Variants in FAM149A observed in about 807,000 individuals in gnomAD.
FAM149A encodes protein FAM149A.
A neutral mutation model predicts 78.2 loss-of-function variants in FAM149A; 71 were observed. That is an observed-to-expected ratio of 0.91 (90% CI 0.75 to 1.11). FAM149A has a LOEUF of 1.11. Among genes scored for constraint, FAM149A ranks in the 50% least tolerant of loss-of-function variants. The pLI is 0.00. For synonymous variants in FAM149A, 446 were observed against 410.5 expected, an observed-to-expected ratio of 1.09 and a Z score of -1.04; for missense variants, 1,036 against 971.0, an observed-to-expected ratio of 1.07 and a Z score of -0.89.
intron 1 of FAM149A, among the ~76,000 whole-genome samples, chr4:186,119,573 A>G (rs776002332): frequency 6.6e-6 from 1 of 152,218 alleles, no homozygotes; most frequent in East Asian, 1.9e-4. Flanking sequence ...ATGTATACCT[A>G]TATAATCTTA....
intron 1 of FAM149A, chr4:186,133,015 C>T (rs1163144289): frequency 1.0e-6 from 1 of 985,250 alleles, no homozygotes; most frequent in Non-Finnish European, 1.2e-6. Context: ...GCCTATAGAG[C>T]TGGCCTGCAC....
chr4:186,142,501 C>G (rs1198297487), intron 1 of FAM149A, among the ~76,000 whole-genome samples: 1 of 152,172 alleles, frequency 6.6e-6, no homozygotes, highest in Non-Finnish European at 1.5e-5. Context: ...GAGCTGGGGT[C>G]TATTTTCCAT....
Position 186,164,059 on chromosome 4 carries a change from GT to G in FAM149A, c.1889+429del, listed in dbSNP as rs539152684. On this transcript the variant is annotated intron_variant, in intron 10 of 13. Transcript: ENST00000389354. The surrounding 1 kb of genome is among the most constrained non-coding windows in gnomAD (Gnocchi z 4.0). Reference sequence around the variant, plus strand: ...AGGATGCATTTTTCTCTATGTGGGAGTTTCAGCAAAGCTGTTGATTGCAGGA... The same window carrying G: ...AGGATGCATTTTTCTCTATGTGGGAGTTCAGCAAAGCTGTTGATTGCAGGA... Among the ~76,000 whole-genome samples the G allele has an allele frequency of 3.4e-4, 52 of 152,318 alleles. No individual in the cohort carries two copies. The South Asian group carries it at 8.1e-3, about 24-fold the overall frequency.
rs569352611 is a variant in FAM149A, at chr4:186,123,081, C to T, written c.566+17439C>T. 1.3e-4 allele frequency: 34 copies of T among 266,970 alleles called. No individual in the cohort carries two copies. In the East Asian group the frequency reaches 2.3e-3, roughly 18 times the overall value. The allele number at this position is 266,970 out of a possible 1,614,324, so 16.5% of individuals were successfully genotyped here. ...ATAAGAAATGGTGGGGAAGAGAAGA[C>T]GGAGGAGATACTTTCATTCATAGGC... On this transcript the variant is annotated intron_variant, in intron 1 of 13. Transcript: ENST00000389354.
intron 1 of FAM149A, among the ~76,000 whole-genome samples, chr4:186,136,692 A>G (rs2099322842): frequency 6.6e-6 from 1 of 152,200 alleles, no homozygotes; most frequent in Non-Finnish European, 1.5e-5. Flanking sequence ...CAATTTCAAA[A>G]TGTCCTGATA....
rs145574097 is a variant in FAM149A at position 186,109,049 on chromosome 4, A to G, written c.566+3407A>G. On this transcript the variant is annotated intron_variant, in intron 1 of 13. Coordinates refer to ENST00000389354, the MANE Select transcript of FAM149A (RefSeq NM_001367768.3). Reference sequence around the variant, plus strand: ...TTTTTAGTAGAGAAGGGGTTTCACCATGTTAGCCAGGATGGTCTCGATCTC... The same window carrying G: ...TTTTTAGTAGAGAAGGGGTTTCACCGTGTTAGCCAGGATGGTCTCGATCTC... The G allele has an allele frequency of 8.8e-3, 1,869 of 211,856 alleles. 13 individuals carry two copies. Among genetic ancestry groups the G allele is most frequent in the African/African-American group, 0.02 (833 of 42,392 alleles). 13.1% of individuals were successfully genotyped at this position (211,856 alleles called of 1,614,324 possible). A position where few individuals can be genotyped will look rare whatever the true frequency, so the allele number is the denominator to read the frequency against.
rs1406029252 is a variant in FAM149A, at chr4:186,157,586, C to G, written c.1442C>G (p.Thr481Arg). ...ACAGAAGGGAAAAAACAGAGAGAAA[C>G]ATTGAAAGTGGCTGGAAACAGATTT... The change falls in exon 8 of 14, where the codon ACA becomes AGA. Residue 481 changes from threonine to arginine, a missense_variant. Transcript: ENST00000389354. The G allele has an allele frequency of 6.2e-7, 1 of 1,614,078 alleles. No individual in the cohort carries two copies. Among genetic ancestry groups the G allele is most frequent in the South Asian group, 1.1e-5 (1 of 91,080 alleles).
intron 1 of FAM149A, among the ~76,000 whole-genome samples, chr4:186,136,964 T>TTCTCTTTCTCTC (rs2099323216): frequency 2.1e-5 from 2 of 97,042 alleles, no homozygotes; most frequent in African/African-American, 8.9e-5. Context: ...CTCTCTCTCT[T>TTCTCTTTCTCTC]TCTCTCTCTC....
At chr4:186,141,160 T>C (rs1375980581) in intron 1 of FAM149A, among the ~76,000 whole-genome samples, 1 of 152,236 alleles carries the variant, frequency 6.6e-6, no homozygotes, top group Non-Finnish European at 1.5e-5. Flanking sequence ...AAAGTGTCTG[T>C]TCATGTCCTC....
chr4:186,107,030 CAT>C (rs765375376), intron 1 of FAM149A, among the ~76,000 whole-genome samples: 53 of 152,314 alleles, frequency 3.5e-4, no homozygotes, highest in Middle Eastern at 6.8e-3. Context: ...TATATTATGA[CAT>C]ATGTTTATCA....
At position 186,152,035 on chromosome 4, in the gene FAM149A, C is replaced by A; in HGVS notation, c.922C>A (p.Leu308Ile). 6.2e-7 allele frequency: 1 copy of A among 1,613,764 alleles called. No individual in the cohort carries two copies. The highest frequency in any genetic ancestry group is 8.5e-7 in the Non-Finnish European group (1 of 1,180,022). The change falls in exon 4 of 14, where the codon CTC becomes ATC. Residue 308 changes from leucine (L) to isoleucine (I), a missense_variant. Transcript: ENST00000389354. ...ATGCGGGGAGTGGACAAGAAGATCC[C>A]TCCATTTGAGGTGGGACCTTGGTGG...
chr4:186,169,250 T>C (rs1735326248), intron 13 of FAM149A: 1 of 984,322 alleles, frequency 1.0e-6, no homozygotes. Flanking sequence ...TTATAAAAAA[T>C]AATACATTAT....
At chr4:186,108,698 C>T (rs1394616552) in intron 1 of FAM149A, among the ~76,000 whole-genome samples, 1 of 152,128 alleles carries the variant, frequency 6.6e-6, no homozygotes, top group East Asian at 1.9e-4. Flanking sequence ...GATCCAACAC[C>T]TTTGATCTTC....
chr4:186,157,975 G>C lies in FAM149A; in HGVS notation c.1575+256G>C, dbSNP rs539176294. 2.7e-6 allele frequency: 4 copies of C among 1,508,584 alleles called. No individual in the cohort carries two copies. In the South Asian group the frequency reaches 4.8e-5, roughly 18 times the overall value. 93.4% of individuals were successfully genotyped at this position (1,508,584 alleles called of 1,614,324 possible). On this transcript the variant is annotated intron_variant, in intron 8 of 13. Coordinates refer to ENST00000389354, the MANE Select transcript of FAM149A (RefSeq NM_001367768.3). The stretch of plus-strand genomic sequence containing the variant: ...CTTGCGGTAGGAGCCCACGCAGGCG[G>C]CACCACCCTTGGCTTCCAGATGGAG...
rs576988209 is a variant in FAM149A, at chr4:186,153,678, C to G, written c.966C>G (p.Asp322Glu). 53 of 1,614,128 alleles carry G rather than the reference C, an allele frequency of 3.3e-5. No homozygotes were observed. Among genetic ancestry groups the G allele is most frequent in the Non-Finnish European group, 3.6e-5 (43 of 1,179,934 alleles). ...GAAGACAGCTGATCCTGCCCACTGA[C>G]AAAGGCGTCCAGCATTTCCAGGGCA... The change falls in exon 5 of 14, where the codon GAC becomes GAG. Residue 322 changes from aspartate (D) to glutamate (E), a missense_variant. By Grantham distance (45) the Asp-to-Glu change is conservative (BLOSUM62 2). This residue lies in a region of FAM149A where 716 missense variants were observed against 711.8 expected (regional missense o/e 1.01). Transcript: ENST00000389354.
At chr4:186,149,060 A>G (rs1191022946) in intron 1 of FAM149A, 113 bp from the exon 2 acceptor site, 5 of 721,208 alleles carry the variant, frequency 6.9e-6, no homozygotes, top group South Asian at 4.0e-5. Context: ...GTTTGGAGGG[A>G]TGTGGCAGAA....
chr4:186,151,114 C>T (rs1210603009), intron 3 of FAM149A: 6 of 956,300 alleles, frequency 6.3e-6, no homozygotes, highest in African/African-American at 1.8e-5. Context: ...GCAGGTGCAC[C>T]GAGGGGGTCT....
intron 1 of FAM149A, chr4:186,127,018 G>A (rs2099318600): frequency 7.1e-6 from 7 of 985,354 alleles, no homozygotes; most frequent in Non-Finnish European, 8.4e-6. Context: ...TAGAGCTGTC[G>A]CGTATGCCAA....
intron 8 of FAM149A, chr4:186,158,864 C>A (rs1301753805): frequency 2.2e-6 from 2 of 923,676 alleles, no homozygotes; most frequent in Non-Finnish European, 2.6e-6. Flanking sequence ...CTTCCACAGG[C>A]CACCAGCAAG....
Sources: allele counts gnomAD v4.1 joint callset (sites outside exome capture counted in the v4.1 genomes callset), GRCh38; gene constraint gnomAD v4.1.1; regional missense constraint gnomAD v4.1.1; non-coding constraint Gnocchi (gnomAD v3.1); transcripts MANE v1.5; gene names NCBI Gene and HGNC (gene_info 2026-07-23, HGNC 2026-07-21).